The following NXPE2 variants were observed in gnomAD, a reference collection of about 807,000 sequenced individuals.
The protein encoded by NXPE2 is neurexophilin and PC-esterase domain family member 2, also known as NXPE family member 2.
Under a neutral mutation model 34.4 loss-of-function variants are expected in NXPE2, and 34 were observed. That is an observed-to-expected ratio of 0.99 (90% confidence interval 0.75 to 1.31). NXPE2 has a LOEUF of 1.31. Ranked by LOEUF, NXPE2 falls within the 40% of genes most tolerant of loss-of-function variation. The probability of loss-of-function intolerance (pLI) is 0.00; values close to 1 mark genes in which losing one functional copy is unlikely to be tolerated. For synonymous variants in NXPE2, 235 were observed against 231.3 expected (o/e 1.02, Z -0.15); for missense variants, 649 against 672.5 (o/e 0.97, Z 0.39).
chr11:114,699,601 G>A (rs550917722), intron 3 of NXPE2, among the ~76,000 whole-genome samples: 30 of 152,030 alleles, frequency 2.0e-4, no homozygotes, highest in Non-Finnish European at 3.7e-4. Flanking sequence ...ACAAGCTTTG[G>A]TTTACACATC....
At chr11:114,719,772 G>A in the NXPE2 span, among the ~76,000 whole-genome samples, 5 of 152,354 alleles carry the variant, frequency 3.3e-5, no homozygotes, top group African/African-American at 9.6e-5. Context: ...GAGGCTGGGA[G>A]CCTTGAGAGG....
At chr11:114,798,618 G>A in the NXPE2 span, among the ~76,000 whole-genome samples, 5 of 152,148 alleles carry the variant, frequency 3.3e-5, no homozygotes, top group Non-Finnish European at 7.3e-5. Context: ...TCCTGACCTC[G>A]TGATCCTCCC....
chr11:114,584,246 A>T, the NXPE2 span: 2 of 459,138 alleles, frequency 4.4e-6, no homozygotes, highest in Non-Finnish European at 4.4e-6. Flanking sequence ...CCTTCATACA[A>T]TGATTACTTT....
the NXPE2 span, among the ~76,000 whole-genome samples, chr11:114,655,075 T>A: frequency 2.0e-5 from 3 of 152,358 alleles, no homozygotes; most frequent in East Asian, 3.9e-4. Context: ...TGACCAGTGA[T>A]AATGAGCTTT....
the NXPE2 span, among the ~76,000 whole-genome samples, chr11:114,732,325 C>T: frequency 1.3e-5 from 2 of 152,166 alleles, no homozygotes; most frequent in African/African-American, 2.4e-5. Flanking sequence ...AATTGTATTT[C>T]TGAAGGACCT....
chr11:114,755,456 A>G, the NXPE2 span, among the ~76,000 whole-genome samples: 3 of 152,302 alleles, frequency 2.0e-5, no homozygotes, highest in African/African-American at 7.2e-5. Context: ...TTGATAAATC[A>G]ATAAGCATCC....
the NXPE2 span, among the ~76,000 whole-genome samples, chr11:114,599,853 G>A: frequency 6.6e-6 from 1 of 151,934 alleles, no homozygotes; most frequent in East Asian, 1.9e-4. Flanking sequence ...CCAACACTGG[G>A]GATTAGAATT....
At chr11:114,752,742 G>A in the NXPE2 span, among the ~76,000 whole-genome samples, 6 of 152,288 alleles carry the variant, frequency 3.9e-5, no homozygotes, top group East Asian at 3.9e-4. Flanking sequence ...GAGTCTGGCA[G>A]TTTCAGAGTT....
the NXPE2 span, among the ~76,000 whole-genome samples, chr11:114,515,637 G>A: frequency 2.6e-5 from 4 of 152,154 alleles, no homozygotes; most frequent in African/African-American, 4.8e-5. Context: ...CCTAGCATTC[G>A]ATCTATTTTT....
At chr11:114,661,970 G>C in the NXPE2 span, among the ~76,000 whole-genome samples, 1 of 152,126 alleles carries the variant, frequency 6.6e-6, no homozygotes, top group Non-Finnish European at 1.5e-5. Flanking sequence ...ACCTGTAGGA[G>C]GTGGGGTAAG....
At chr11:114,658,032 C>T in the NXPE2 span, among the ~76,000 whole-genome samples, 1 of 152,212 alleles carries the variant, frequency 6.6e-6, no homozygotes, top group Non-Finnish European at 1.5e-5. Flanking sequence ...AGGACCTTGT[C>T]TTCCTAACAT....
chr11:114,469,447 G>A, the NXPE2 span, among the ~76,000 whole-genome samples: 1 of 151,992 alleles, frequency 6.6e-6, no homozygotes, highest in South Asian at 2.1e-4. Context: ...CTTTATTGAA[G>A]TATAATCAAC....
the NXPE2 span, among the ~76,000 whole-genome samples, chr11:114,526,890 T>C: frequency 1.4e-3 from 209 of 152,354 alleles, no homozygotes; most frequent in African/African-American, 4.6e-3. Flanking sequence ...TATTATTTGC[T>C]TAAATCCAGC....
the NXPE2 span, among the ~76,000 whole-genome samples, chr11:114,811,174 A>G: frequency 1.8e-5 from 2 of 110,530 alleles, no homozygotes; most frequent in Non-Finnish European, 3.4e-5. Context: ...ATCACACACC[A>G]GGGACTGTTG....
At chr11:114,783,133 G>A in the NXPE2 span, among the ~76,000 whole-genome samples, 1 of 152,148 alleles carries the variant, frequency 6.6e-6, no homozygotes, top group Non-Finnish European at 1.5e-5. Context: ...ACCTGCAGTC[G>A]ATCTGAAGCC....
chr11:114,639,927 ATAT>A, the NXPE2 span, among the ~76,000 whole-genome samples: 1 of 115,656 alleles, frequency 8.6e-6, no homozygotes, highest in Non-Finnish European at 1.6e-5. Flanking sequence ...ATTATATTAT[ATAT>A]TATATTAAAT....
the NXPE2 span, among the ~76,000 whole-genome samples, chr11:114,669,972 A>T: frequency 2.0e-5 from 3 of 152,082 alleles, no homozygotes; most frequent in African/African-American, 7.2e-5. Context: ...GCAAGCTGGC[A>T]GCTCCTTGAC....
chr11:114,470,176 G>A, the NXPE2 span, among the ~76,000 whole-genome samples: 1 of 152,102 alleles, frequency 6.6e-6, no homozygotes, highest in African/African-American at 2.4e-5. Flanking sequence ...GTCTTTGTAT[G>A]GACATATGTT....
rs115606243 is a variant in NXPE2, at chr11:114,694,183, T to C, written c.133-3862T>C. Among the ~76,000 whole-genome samples, 673 of 152,348 alleles carry C rather than the reference T, an allele frequency of 4.4e-3. 6 individuals are homozygous for C. The highest frequency in any genetic ancestry group is 0.015 in the African/African-American group (639 of 41,580). The stretch of plus-strand genomic sequence containing the variant: ...CTCATGATTACATTTGACTCACCTG[T>C]ATAATTTAAGATACTATTCCCATCT... On this transcript the variant is annotated intron_variant, in intron 2 of 5. Transcript: ENST00000389586.
Sources: gnomAD v4.1 joint callset for allele counts (sites outside exome capture counted in the v4.1 genomes callset) on GRCh38, gnomAD v4.1.1 for gene constraint, MANE v1.5 for transcripts, NCBI Gene and HGNC (gene_info 2026-07-23, HGNC 2026-07-21) for gene names.